The following COL24A1 variants were observed in gnomAD, a reference collection of about 807,000 sequenced individuals.
COL24A1 encodes the protein collagen type XXIV alpha 1 chain, also known as collagen alpha-1(XXIV) chain.
Under a neutral mutation model 253.9 loss-of-function variants are expected in COL24A1, and 224 were observed. That is an observed-to-expected ratio of 0.88 (90% CI 0.79 to 0.99). The LOEUF is 0.99. COL24A1 is among the 50% of genes least tolerant of loss of function. The pLI is 0.00. For synonymous variants in COL24A1, 685 were observed against 673.7 expected, an observed-to-expected ratio of 1.02 and a Z score of -0.26; for missense variants, 2,131 against 2,068.5, an observed-to-expected ratio of 1.03 and a Z score of -0.59.
At chr1:85,782,470 C>T (rs925513945) in intron 51 of COL24A1, among the ~76,000 whole-genome samples, 5 of 151,608 alleles carry the variant, frequency 3.3e-5, no homozygotes, top group Admixed American at 1.3e-4. Context: ...GTATGATAGA[C>T]TGGATGAAGA....
intron 12 of COL24A1, among the ~76,000 whole-genome samples, chr1:86,037,875 T>C (rs1412557276): frequency 6.6e-6 from 1 of 152,188 alleles, no homozygotes; most frequent in Non-Finnish European, 1.5e-5. Context: ...AATATAAGTC[T>C]ACTGTTGTTT....
At chr1:86,130,925 T>TAAAC (rs1649071694) in intron 2 of COL24A1, among the ~76,000 whole-genome samples, 1 of 152,024 alleles carries the variant, frequency 6.6e-6, no homozygotes, top group African/African-American at 2.4e-5. Context: ...TTGGCTGAAG[T>TAAAC]TTATCCTCTA....
At chr1:85,897,479 G>A (rs1182628168) in intron 28 of COL24A1, among the ~76,000 whole-genome samples, 1 of 152,048 alleles carries the variant, frequency 6.6e-6, no homozygotes, top group Non-Finnish European at 1.5e-5. Context: ...GAAAATGAGT[G>A]CTGACTGCAT....
intron 28 of COL24A1, among the ~76,000 whole-genome samples, chr1:85,905,419 C>A (rs1684709876): frequency 6.6e-6 from 1 of 152,054 alleles, no homozygotes; most frequent in South Asian, 2.1e-4. Flanking sequence ...CAGAAGGGAA[C>A]TTCCCAATGC....
At chr1:85,799,211 A>AAAAAAAAAGAAAGAAAGAAAGAAAGAAAG in intron 47 of COL24A1, among the ~76,000 whole-genome samples, 1 of 137,636 alleles carries the variant, frequency 7.3e-6, no homozygotes, top group South Asian at 2.4e-4. Flanking sequence ...TTGGCCACAT[A>AAAAAAAAAGAAAGAAAGAAAGAAAGAAAG]AAAGAAAGAA....
intron 47 of COL24A1, among the ~76,000 whole-genome samples, chr1:85,799,203 G>A (rs1169380568): frequency 7.2e-6 from 1 of 139,746 alleles, no homozygotes; most frequent in Non-Finnish European, 1.5e-5. Context: ...TTAATTCCTT[G>A]GCCACATAAA....
intron 19 of COL24A1, among the ~76,000 whole-genome samples, chr1:86,001,909 G>A (rs950575133): frequency 1.2e-4 from 19 of 152,166 alleles, no homozygotes; most frequent in Non-Finnish European, 2.6e-4. Context: ...CAAACCTGAT[G>A]TCTGGGAAAA....
intron 32 of COL24A1, among the ~76,000 whole-genome samples, chr1:85,881,165 C>A (rs1681791232): frequency 6.6e-6 from 1 of 152,062 alleles, no homozygotes; most frequent in African/African-American, 2.4e-5. Flanking sequence ...AACCTGGAAC[C>A]AGTACTTTCT....
intron 12 of COL24A1, among the ~76,000 whole-genome samples, chr1:86,035,945 G>C (rs187160168): frequency 6.2e-4 from 94 of 152,134 alleles, no homozygotes; most frequent in African/African-American, 2.2e-3. Flanking sequence ...AGAAAGAGAA[G>C]AGGGGAAAGA....
intron 14 of COL24A1, among the ~76,000 whole-genome samples, chr1:86,024,180 C>T (rs912358967): frequency 5.9e-5 from 9 of 152,076 alleles, no homozygotes; most frequent in Non-Finnish European, 1.2e-4. Flanking sequence ...TTCTGAATAG[C>T]TCTCCCTTAC....
At chr1:86,119,751 T>C (rs544952113) in intron 3 of COL24A1, among the ~76,000 whole-genome samples, 79 of 152,290 alleles carry the variant, frequency 5.2e-4, no homozygotes, top group African/African-American at 1.8e-3. Flanking sequence ...CAGTTGCCTT[T>C]ATTTTAAAAA....
At chr1:85,896,573 C>G (rs567931668) in intron 28 of COL24A1, among the ~76,000 whole-genome samples, 164 bp from the exon 29 acceptor site, 1 of 151,974 alleles carries the variant, frequency 6.6e-6, no homozygotes, top group Non-Finnish European at 1.5e-5. Flanking sequence ...CGGCTCACTG[C>G]AAGCTCCGCC....
Position 86,156,404 on chromosome 1 carries a change from C to G in COL24A1, c.-8G>C. On this transcript the variant is annotated 5_prime_UTR_variant, in exon 1 of 60. It removes an upstream start codon present in the reference 5' UTR. Coordinates refer to ENST00000370571, the MANE Select transcript of COL24A1 (RefSeq NM_152890.7). ...GTGGGCTCTTAAATGCATTTGTATG[C>G]ATTTGTCCGTGCAGCAAAGCGCTAA... is the stretch of plus-strand genomic sequence containing the variant. 6.8e-6 allele frequency: 11 copies of G among 1,610,910 alleles called. No homozygotes were observed. The highest frequency in any genetic ancestry group is 7.6e-6 in the Non-Finnish European group (9 of 1,178,520).
chr1:85,916,927 T>G (rs768844592), intron 24 of COL24A1, among the ~76,000 whole-genome samples: 33 of 152,258 alleles, frequency 2.2e-4, no homozygotes, highest in Non-Finnish European at 4.7e-4. Flanking sequence ...TTCACATGTA[T>G]GTACTAGGAG....
chr1:86,118,065 A>C (rs1706319663), intron 3 of COL24A1, among the ~76,000 whole-genome samples: 1 of 58,516 alleles, frequency 1.7e-5, no homozygotes. Context: ...AGTCTAATTA[A>C]CTTTTTTTTT....
intron 37 of COL24A1, among the ~76,000 whole-genome samples, chr1:85,867,896 C>G (rs545375615): frequency 1.5e-4 from 23 of 152,204 alleles, no homozygotes; most frequent in African/African-American, 5.5e-4. Context: ...AAGCACGCAC[C>G]ATGGTGCCCA....
At position 86,080,103 on chromosome 1, in the gene COL24A1, G is replaced by A. The variant is rs560052051; in HGVS notation, c.1707+9071C>T. Among the ~76,000 whole-genome samples, 6 of 152,248 alleles carry A rather than the reference G, an allele frequency of 3.9e-5. No individual in the cohort carries two copies. In the South Asian group the frequency reaches 1.2e-3, roughly 32 times the overall value. On this transcript the variant is annotated intron_variant, in intron 7 of 59. Coordinates refer to ENST00000370571, the MANE Select transcript of COL24A1 (RefSeq NM_152890.7). The stretch of plus-strand genomic sequence containing the variant: ...ACTATTCAGCCATACAAAAAATAAT[G>A]AGATTCTGTCATTTGCAACAGCATG...
At chr1:86,047,238 C>T (rs114269490) in intron 11 of COL24A1, among the ~76,000 whole-genome samples, 1 of 152,170 alleles carries the variant, frequency 6.6e-6, no homozygotes, top group South Asian at 2.1e-4. Flanking sequence ...TCTGCCTTCC[C>T]CTCTCTATCT....
chr1:86,122,748 CT>C (rs1219289483), intron 3 of COL24A1, among the ~76,000 whole-genome samples: 3 of 151,908 alleles, frequency 2.0e-5, no homozygotes, highest in Non-Finnish European at 4.4e-5. Context: ...CCTACTTTTC[CT>C]TTGCATTTTC....
Sources: gnomAD v4.1 joint callset for allele counts (sites outside exome capture counted in the v4.1 genomes callset) on GRCh38, gnomAD v4.1.1 for gene constraint, MANE v1.5 for transcripts, NCBI Gene and HGNC (gene_info 2026-07-23, HGNC 2026-07-21) for gene names.